ATL3: variants seen among roughly 807,000 people sequenced by gnomAD.
The protein encoded by ATL3 is atlastin-3.
Under a neutral mutation model 69.5 loss-of-function variants are expected in ATL3, and 49 were observed. The observed-to-expected ratio is 0.71, with a 90% CI of 0.56 to 0.89. The LOEUF is 0.89. Ranked by LOEUF, ATL3 falls within the 40% of genes least tolerant of loss-of-function variation. The pLI is 0.00. For missense variants in ATL3, 606 were observed against 645.7 expected (o/e 0.94, Z 0.67); for synonymous variants, 214 against 224.1 (o/e 0.95, Z 0.40).
In ATL3 at chr11:63,633,034, T is replaced by A; in HGVS notation, c.1099A>T (p.Met367Leu). 6.2e-7 allele frequency: 1 copy of A among 1,614,026 alleles called. No homozygotes were observed. The highest frequency in any genetic ancestry group is 8.5e-7 in the Non-Finnish European group (1 of 1,179,888). Residue 367 changes from methionine to leucine, a missense_variant, in exon 11 of 13, where the codon ATG becomes TTG. Physicochemically the swap from Met to Leu is conservative, Grantham distance 15. Coordinates refer to ENST00000398868, the MANE Select transcript of ATL3 (RefSeq NM_015459.5). The part of the protein sequence containing the change: ...ASAKDIYYNN[M>L]EEVCGGEKPY... ...GCGTATGTCCCACGTACCTCTTCCATGTTGTTATAATAAATGTCCTTGGCA... is the reference window on the plus strand; with the variant it reads ...GCGTATGTCCCACGTACCTCTTCCAAGTTGTTATAATAAATGTCCTTGGCA...
chr11:63,636,648 A>G (rs576374702), intron 8 of ATL3, among the ~76,000 whole-genome samples: 2 of 151,994 alleles, frequency 1.3e-5, no homozygotes, highest in African/African-American at 4.8e-5. Flanking sequence ...CTGAGGCAGG[A>G]GAATCTCTTG....
Position 63,624,899 on chromosome 11 carries a change from C to T in ATL3, c.*4420G>A, listed in dbSNP as rs969423198. On this transcript the variant is annotated 3_prime_UTR_variant, in exon 13 of 13. Coordinates refer to ENST00000398868, the MANE Select transcript of ATL3 (RefSeq NM_015459.5). ...CAGACAATACTGAATTGTACTTTCTCCTTGGTACTTCCCATTCGATGAAGC... is the reference window on the plus strand; with the variant it reads ...CAGACAATACTGAATTGTACTTTCTTCTTGGTACTTCCCATTCGATGAAGC... 4 of 152,100 alleles carry T rather than the reference C, an allele frequency of 2.6e-5. No individual in the cohort carries two copies. The highest frequency in any genetic ancestry group is 9.7e-5 in the African/African-American group (4 of 41,418). The allele number at this position is 152,100 out of a possible 1,614,324, so 9.4% of individuals were successfully genotyped here.
chr11:63,648,321 TA>T (rs1939953640), intron 5 of ATL3, among the ~76,000 whole-genome samples: 1 of 152,142 alleles, frequency 6.6e-6, no homozygotes. Flanking sequence ...CCAGGGAAAC[TA>T]ACAACCCAAG....
In ATL3 at chr11:63,659,275, A is replaced by T. The variant is rs377247830; in HGVS notation, c.47-23T>A. 5.6e-6 allele frequency: 9 copies of T among 1,597,570 alleles called. No individual in the cohort carries two copies. In the African/African-American group the frequency reaches 1.2e-4, roughly 21 times the overall value. On this transcript the variant is annotated intron_variant, in intron 1 of 12. Transcript: ENST00000398868. ...CATCTATGTTCATGCAGAGAAAAAAAATCAGTGTCAAATATTTAAAATATG... is the reference window on the plus strand; with the variant it reads ...CATCTATGTTCATGCAGAGAAAAAATATCAGTGTCAAATATTTAAAATATG...
At chr11:63,671,825 T>C (rs182069035), upstream of ATL3, 1,814 of 975,156 alleles carry the variant, frequency 1.9e-3, 26 homozygotes, top group African/African-American at 0.029. Context: ...TCCTGCGAGC[T>C]GCGGCCGGCG....
intron 1 of ATL3, among the ~76,000 whole-genome samples, chr11:63,664,255 G>A (rs1394420946): frequency 6.6e-6 from 1 of 152,036 alleles, no homozygotes; most frequent in Non-Finnish European, 1.5e-5. Flanking sequence ...TTTACTGAGC[G>A]AGGCCAGCCT....
rs1939188028 is a variant in ATL3, at chr11:63,628,357, T to C, written c.*962A>G. ...AAAATAGAGCAAGTTGCAACAAAAC[T>C]GTCAGCCTACTGGGTAAAAACCTCA... On this transcript the variant is annotated 3_prime_UTR_variant, in exon 13 of 13. Coordinates refer to ENST00000398868, the MANE Select transcript of ATL3 (RefSeq NM_015459.5). 6.6e-6 allele frequency: 1 copy of C among 151,356 alleles called. No individual in the cohort carries two copies. Among genetic ancestry groups the C allele is most frequent in the Non-Finnish European group, 1.5e-5 (1 of 67,914 alleles). 9.4% of individuals were successfully genotyped at this position (151,356 alleles called of 1,614,324 possible).
intron 3 of ATL3, among the ~76,000 whole-genome samples, chr11:63,657,091 T>C (rs1940276931): frequency 6.6e-6 from 1 of 150,842 alleles, no homozygotes; most frequent in Non-Finnish European, 1.5e-5. Flanking sequence ...GCACCTGTAC[T>C]CCCAGCTAAT....
chr11:63,641,137 A>G (rs1354456389), intron 8 of ATL3, among the ~76,000 whole-genome samples: 1 of 152,112 alleles, frequency 6.6e-6, no homozygotes, highest in African/African-American at 2.4e-5. Context: ...TTGCCTTTTC[A>G]TGTAAGAAAG....
chr11:63,662,807 T>C (rs979684085), intron 1 of ATL3, among the ~76,000 whole-genome samples: 5 of 152,188 alleles, frequency 3.3e-5, no homozygotes, highest in African/African-American at 1.2e-4. Context: ...TAAGGAGACA[T>C]ATTAAGTAAA....
At chr11:63,650,037 A>AT (rs528535745) in intron 5 of ATL3, among the ~76,000 whole-genome samples, 138 of 147,862 alleles carry the variant, frequency 9.3e-4, no homozygotes, top group African/African-American at 2.2e-3. Flanking sequence ...TTCCCCTGTA[A>AT]TTTTTTTTTT....
At chr11:63,652,257 T>C (rs1555055469) in intron 4 of ATL3, among the ~76,000 whole-genome samples, 1 of 152,198 alleles carries the variant, frequency 6.6e-6, no homozygotes, top group Non-Finnish European at 1.5e-5. Flanking sequence ...TTTTTTGGAC[T>C]TTTCTTGGAA....
intron 1 of ATL3, among the ~76,000 whole-genome samples, chr11:63,665,315 C>T (rs1437218428): frequency 6.8e-6 from 1 of 146,756 alleles, no homozygotes; most frequent in Non-Finnish European, 1.5e-5. Flanking sequence ...CATTGCACTC[C>T]AGCCTGGGTG....
At chr11:63,660,807 AATAAT>A (rs1940396204) in intron 1 of ATL3, among the ~76,000 whole-genome samples, 1 of 152,130 alleles carries the variant, frequency 6.6e-6, no homozygotes, top group African/African-American at 2.4e-5. Context: ...AATGTCTATC[AATAAT>A]AGTGTTTGCC....
rs540033734 is a variant in ATL3, at chr11:63,640,100, G to T, written c.850+3257C>A. On this transcript the variant is annotated intron_variant, in intron 8 of 12. Coordinates refer to ENST00000398868, the MANE Select transcript of ATL3 (RefSeq NM_015459.5). ...TGTGTCACCATGCCCAGCTAATTTTGTATTTTTAGTAGCGATGGGGTTTCT... is the reference window on the plus strand; with the variant it reads ...TGTGTCACCATGCCCAGCTAATTTTTTATTTTTAGTAGCGATGGGGTTTCT... Among the ~76,000 whole-genome samples, 422 of 152,058 alleles carry T rather than the reference G, an allele frequency of 2.8e-3. 1 individual carries two copies. The highest frequency in any genetic ancestry group is 9.6e-3 in the African/African-American group (398 of 41,476).
intron 1 of ATL3, among the ~76,000 whole-genome samples, chr11:63,666,593 A>AG (rs1565285372): frequency 6.8e-6 from 1 of 147,268 alleles, no homozygotes; most frequent in Non-Finnish European, 1.5e-5. Context: ...TCATGCATGT[A>AG]ATCCCAGCAC....
chr11:63,655,169 C>A (rs1339540324), intron 3 of ATL3, among the ~76,000 whole-genome samples: 1 of 152,132 alleles, frequency 6.6e-6, no homozygotes, highest in Non-Finnish European at 1.5e-5. Flanking sequence ...TTAAATGGAA[C>A]CAGAGTGTTG....
At chr11:63,647,780 T>C (rs948373263) in intron 5 of ATL3, among the ~76,000 whole-genome samples, 3 of 152,026 alleles carry the variant, frequency 2.0e-5, no homozygotes, top group Admixed American at 6.6e-5. Flanking sequence ...AGTAAATAAA[T>C]AAACAGGACA....
intron 6 of ATL3, 108 bp from the exon 7 acceptor site, chr11:63,644,369 T>C: frequency 1.7e-6 from 1 of 582,640 alleles, no homozygotes; most frequent in Non-Finnish European, 2.9e-6. Context: ...GGGGGTAAAG[T>C]AGAAGGATTT....
Sources: allele counts gnomAD v4.1 joint callset (sites outside exome capture counted in the v4.1 genomes callset), GRCh38; gene constraint gnomAD v4.1.1; transcripts MANE v1.5; gene names NCBI Gene and HGNC (gene_info 2026-07-23, HGNC 2026-07-21).